The following IRS1 variants were observed in gnomAD, a reference collection of about 807,000 sequenced individuals.
The protein encoded by IRS1 is insulin receptor substrate 1.
In IRS1, 34 loss-of-function variants were observed where a neutral mutation model predicts 65.6. That is an observed-to-expected ratio of 0.52 (90% CI 0.39 to 0.69). The LOEUF is 0.69. Among genes scored for constraint, IRS1 ranks in the 30% least tolerant of loss-of-function variants. The pLI, the probability that IRS1 is intolerant of heterozygous loss-of-function variation, is 0.00. For missense variants in IRS1, 1,641 were observed against 1,720.2 expected (o/e 0.95, Z 0.81); for synonymous variants, 699 against 683.5 (o/e 1.02, Z -0.35).
intron 1 of IRS1, among the ~76,000 whole-genome samples, chr2:226,762,178 A>G (rs922270798): frequency 2.6e-5 from 4 of 152,150 alleles, no homozygotes; most frequent in African/African-American, 9.7e-5. Context: ...CAAAATCTTG[A>G]CCTTAGTGAC....
intron 1 of IRS1, among the ~76,000 whole-genome samples, chr2:226,767,344 A>G (rs1939074168): frequency 1.3e-5 from 2 of 152,346 alleles, no homozygotes; most frequent in South Asian, 4.1e-4. Context: ...GGCCAATGAG[A>G]GAATGGGTCA....
At chr2:226,766,150 TATATATATATATA>T (rs1559152040) in intron 1 of IRS1, among the ~76,000 whole-genome samples, 2 of 10,090 alleles carry the variant, frequency 2.0e-4, no homozygotes, top group East Asian at 2.0e-3. Context: ...TATATATATA[TATATATATATATA>T]TTTTTTTTTT....
At position 226,732,497 on chromosome 2, in the gene IRS1, C is replaced by CAT. The variant is rs1559144323; in HGVS notation, c.*3774_*3775insAT. On this transcript the variant is annotated 3_prime_UTR_variant, in exon 2 of 2. Coordinates refer to ENST00000305123, the MANE Select transcript of IRS1 (RefSeq NM_005544.3). ...ATATATATATATATATATATACACA[C>CAT]ACACACATATGTGTATCTATATATG... is the stretch of plus-strand genomic sequence containing the variant. 1.4e-5 allele frequency: 2 copies of CAT among 147,840 alleles called. No homozygotes were observed. Among genetic ancestry groups the CAT allele is most frequent in the African/African-American group, 5.0e-5 (2 of 39,876 alleles). 9.2% of individuals were successfully genotyped at this position (147,840 alleles called of 1,614,324 possible). A position where few individuals can be genotyped will look rare whatever the true frequency, so the allele number is the denominator to read the frequency against.
chr2:226,778,173 A>T (rs1939310087), intron 1 of IRS1, among the ~76,000 whole-genome samples: 1 of 152,128 alleles, frequency 6.6e-6, no homozygotes, highest in Non-Finnish European at 1.5e-5. Flanking sequence ...TTAGAACTTA[A>T]TAGTACTTTA....
chr2:226,734,140 A>T lies in IRS1; in HGVS notation c.*2132T>A, dbSNP rs1574635730. ...GCAGGGCAGCTTGCTCTCTTCTTCCACTAGCAAGAGTATGAATCAGAATGC... is the reference window on the plus strand; with the variant it reads ...GCAGGGCAGCTTGCTCTCTTCTTCCTCTAGCAAGAGTATGAATCAGAATGC... On this transcript the variant is annotated 3_prime_UTR_variant, in exon 2 of 2. Transcript: ENST00000305123. 1 of 152,312 alleles carries T rather than the reference A, an allele frequency of 6.6e-6. No individual in the cohort carries two copies. The highest frequency in any genetic ancestry group is 2.1e-4 in the South Asian group (1 of 4,830). The allele number at this position is 152,312 out of a possible 1,614,324, so 9.4% of individuals were successfully genotyped here. A position where few individuals can be genotyped will look rare whatever the true frequency, so the allele number is the denominator to read the frequency against.
At chr2:226,737,926 GA>G (rs1192616481) in intron 1 of IRS1, among the ~76,000 whole-genome samples, 1 of 152,170 alleles carries the variant, frequency 6.6e-6, no homozygotes, top group African/African-American at 2.4e-5. Context: ...TTCCCATTGA[GA>G]ACATATGACA....
intron 1 of IRS1, among the ~76,000 whole-genome samples, chr2:226,754,685 G>C (rs1212951950): frequency 2.6e-5 from 4 of 152,164 alleles, no homozygotes; most frequent in Non-Finnish European, 5.9e-5. Context: ...AATATACAAA[G>C]TTATTTTTAT....
intron 1 of IRS1, among the ~76,000 whole-genome samples, chr2:226,746,092 A>G (rs575634698): frequency 5.9e-5 from 9 of 152,370 alleles, no homozygotes; most frequent in African/African-American, 2.2e-4. Flanking sequence ...AATGCTATCT[A>G]CAGAAACATC....
chr2:226,766,144 TATA>T (rs1939034732), intron 1 of IRS1, among the ~76,000 whole-genome samples: 1 of 4,844 alleles, frequency 2.1e-4, no homozygotes, highest in African/African-American at 4.7e-4. Flanking sequence ...TATATATATA[TATA>T]TATATATATA....
Position 226,762,501 on chromosome 2 carries a change from G to A in IRS1, c.*22-26251C>T, listed in dbSNP as rs192730533. On this transcript the variant is annotated intron_variant, in intron 1 of 1. Transcript: ENST00000305123. ...TGAAGCATTGGCAAATTTTCTAATA[G>A]GGTCAGATTGCAAATATCTTGGGCT... Among the ~76,000 whole-genome samples the A allele has an allele frequency of 2.0e-4, 30 of 152,214 alleles. 1 individual carries two copies. In the East Asian group the frequency reaches 5.8e-3, roughly 29 times the overall value.
chr2:226,769,675 A>G (rs1939126582), intron 1 of IRS1, among the ~76,000 whole-genome samples: 1 of 152,356 alleles, frequency 6.6e-6, no homozygotes, highest in Non-Finnish European at 1.5e-5. Flanking sequence ...TTGTTTTAGT[A>G]GGAATGAGGC....
At chr2:226,773,383 T>C (rs1939199725) in intron 1 of IRS1, among the ~76,000 whole-genome samples, 3 of 152,082 alleles carry the variant, frequency 2.0e-5, no homozygotes, top group Admixed American at 2.0e-4. Flanking sequence ...TAAGGGAAGG[T>C]GTTTGAAATA....
chr2:226,792,633 A>G (rs556165603), intron 1 of IRS1, among the ~76,000 whole-genome samples: 2 of 152,344 alleles, frequency 1.3e-5, no homozygotes, highest in African/African-American at 4.8e-5. Context: ...ATTTTAAACA[A>G]GCCGAGATGT....
chr2:226,763,138 T>A (rs1253453554), intron 1 of IRS1, among the ~76,000 whole-genome samples: 4 of 152,156 alleles, frequency 2.6e-5, no homozygotes, highest in Non-Finnish European at 5.9e-5. Context: ...AAGGGAAGAC[T>A]GTTGGTTTCA....
chr2:226,788,955 C>CA (rs973146552), intron 1 of IRS1, among the ~76,000 whole-genome samples: 4 of 151,582 alleles, frequency 2.6e-5, no homozygotes, highest in Admixed American at 6.6e-5. Flanking sequence ...ATTTTACATG[C>CA]AAAAAAATAC....
chr2:226,738,609 T>C (rs1342242570), intron 1 of IRS1, among the ~76,000 whole-genome samples: 2 of 152,200 alleles, frequency 1.3e-5, no homozygotes, highest in Non-Finnish European at 2.9e-5. Context: ...GTGTCTACAA[T>C]TGTGGTGTCC....
Position 226,743,473 on chromosome 2 carries a change from A to G in IRS1, c.*22-7223T>C, listed in dbSNP as rs1574640306. 3.9e-5 allele frequency among the ~76,000 whole-genome samples: 6 copies of G among 152,088 alleles called. No individual in the cohort carries two copies. In the South Asian group the frequency reaches 6.2e-4, roughly 16 times the overall value. ...TCGAACTCCCAACCTCAGGTGATCC[A>G]CCCGCCTCGGCCTCTCAAAGTGCTG... On this transcript the variant is annotated intron_variant, in intron 1 of 1. Coordinates refer to ENST00000305123, the MANE Select transcript of IRS1 (RefSeq NM_005544.3).
chr2:226,748,256 C>G (rs1938595632), intron 1 of IRS1, among the ~76,000 whole-genome samples: 1 of 151,632 alleles, frequency 6.6e-6, no homozygotes, highest in South Asian at 2.1e-4. Context: ...TGATGAAACC[C>G]CATATCTACT....
chr2:226,751,354 G>A (rs907672336), intron 1 of IRS1, among the ~76,000 whole-genome samples: 24 of 144,076 alleles, frequency 1.7e-4, no homozygotes, highest in African/African-American at 6.3e-4. Context: ...CGCAATCTCG[G>A]CTCACTGCAA....
Sources: gnomAD v4.1 joint callset for allele counts (sites outside exome capture counted in the v4.1 genomes callset) on GRCh38, gnomAD v4.1.1 for gene constraint, MANE v1.5 for transcripts, NCBI Gene and HGNC (gene_info 2026-07-23, HGNC 2026-07-21) for gene names.